SLC2A13: variants seen among roughly 807,000 people sequenced by gnomAD.
SLC2A13 encodes the protein solute carrier family 2 member 13.
SLC2A13 carries 32 observed loss-of-function variants against 64.4 expected under a neutral mutation model. The observed-to-expected ratio is 0.50, with a 90% CI of 0.37 to 0.67. The LOEUF is 0.67. SLC2A13 is among the 30% of genes least tolerant of loss of function. The probability of loss-of-function intolerance (pLI) is 0.00; values close to 1 mark genes in which losing one functional copy is unlikely to be tolerated. For missense variants in SLC2A13, 743 were observed against 829.2 expected, an observed-to-expected ratio of 0.90 and a Z score of 1.28; for synonymous variants, 338 against 327.1, an observed-to-expected ratio of 1.03 and a Z score of -0.36.
intron 1 of SLC2A13, among the ~76,000 whole-genome samples, chr12:40,077,493 C>T (rs1401684276): frequency 6.6e-6 from 1 of 152,016 alleles, no homozygotes; most frequent in African/African-American, 2.4e-5. Context: ...GGTTCTCTAA[C>T]CTGTTCCACT....
intron 4 of SLC2A13, among the ~76,000 whole-genome samples, chr12:39,926,354 A>T (rs1945729683): frequency 6.6e-6 from 1 of 152,218 alleles, no homozygotes. Context: ...GATCCAAGGC[A>T]TGTTATCATA....
At chr12:39,801,484 T>C (rs1038587891) in intron 7 of SLC2A13, among the ~76,000 whole-genome samples, 1 of 152,112 alleles carries the variant, frequency 6.6e-6, no homozygotes, top group Non-Finnish European at 1.5e-5. Flanking sequence ...CCTCATGACA[T>C]AGTCTAATTT....
rs746298390 is a variant in SLC2A13, at chr12:39,983,170, A to C, written c.926-31805T>G. 3.0e-3 allele frequency among the ~76,000 whole-genome samples: 449 copies of C among 151,880 alleles called. 2 individuals are homozygous for C. The highest frequency in any genetic ancestry group is 4.9e-3 in the Non-Finnish European group (336 of 67,942). The stretch of plus-strand genomic sequence containing the variant: ...ATCCCTTCCTTACACCTTATACAAA[A>C]CTCAATTCAAGATGGATTAAAGATT... On this transcript the variant is annotated intron_variant, in intron 3 of 9. Transcript: ENST00000280871.
intron 1 of SLC2A13, among the ~76,000 whole-genome samples, chr12:40,089,509 G>A (rs1310690146): frequency 6.6e-6 from 1 of 152,170 alleles, no homozygotes; most frequent in Non-Finnish European, 1.5e-5. Flanking sequence ...AAAGAAGCTT[G>A]AGAATTTTAG....
At chr12:39,985,011 A>T (rs185147645) in intron 3 of SLC2A13, among the ~76,000 whole-genome samples, 1 of 152,092 alleles carries the variant, frequency 6.6e-6, no homozygotes, top group Admixed American at 6.6e-5. Flanking sequence ...TACCAAACCC[A>T]CCAGTTTGCT....
At chr12:39,916,719 G>T (rs1463753560) in intron 4 of SLC2A13, among the ~76,000 whole-genome samples, 1 of 152,046 alleles carries the variant, frequency 6.6e-6, no homozygotes, top group Non-Finnish European at 1.5e-5. Context: ...GTAATAACCT[G>T]ACTTCTACAA....
At chr12:40,058,015 T>C (rs965095581) in intron 1 of SLC2A13, among the ~76,000 whole-genome samples, 2 of 151,790 alleles carry the variant, frequency 1.3e-5, no homozygotes, top group African/African-American at 4.8e-5. Flanking sequence ...AATGTCCCTA[T>C]GCTGCTTACA....
At chr12:39,964,676 T>A (rs1018590606) in intron 3 of SLC2A13, among the ~76,000 whole-genome samples, 4 of 152,218 alleles carry the variant, frequency 2.6e-5, no homozygotes, top group Non-Finnish European at 5.9e-5. Flanking sequence ...AGAGGGTTGG[T>A]GCACAGGGTC....
At chr12:39,921,723 C>T (rs572707154) in intron 4 of SLC2A13, among the ~76,000 whole-genome samples, 1 of 152,092 alleles carries the variant, frequency 6.6e-6, no homozygotes, top group East Asian at 1.9e-4. Flanking sequence ...TCAGATATGC[C>T]AGTAATACTT....
intron 3 of SLC2A13, among the ~76,000 whole-genome samples, chr12:39,975,097 A>G (rs991040501): frequency 3.3e-5 from 5 of 152,218 alleles, no homozygotes; most frequent in Non-Finnish European, 4.4e-5. Context: ...GGGCTGAATT[A>G]CTATTCATTA....
chr12:39,992,931 C>G (rs1256925161), intron 3 of SLC2A13, among the ~76,000 whole-genome samples: 1 of 152,184 alleles, frequency 6.6e-6, no homozygotes, highest in Non-Finnish European at 1.5e-5. Context: ...AAAATAAAAT[C>G]TATCACTTAG....
At chr12:39,887,337 A>C (rs181719921) in intron 4 of SLC2A13, among the ~76,000 whole-genome samples, 94 of 152,258 alleles carry the variant, frequency 6.2e-4, no homozygotes, top group African/African-American at 2.2e-3. Flanking sequence ...GTTATATCCC[A>C]AAAGTACCCT....
chr12:40,052,586 A>G (rs1948276932), intron 1 of SLC2A13, among the ~76,000 whole-genome samples: 2 of 152,186 alleles, frequency 1.3e-5, no homozygotes, highest in Non-Finnish European at 2.9e-5. Context: ...CGATTTTAAG[A>G]AATAATGCTG....
chr12:39,851,751 A>C (rs1943476423), intron 6 of SLC2A13, among the ~76,000 whole-genome samples: 1 of 152,236 alleles, frequency 6.6e-6, no homozygotes, highest in Non-Finnish European at 1.5e-5. Flanking sequence ...TATTTAAGAC[A>C]TGCTGAGCTT....
intron 3 of SLC2A13, among the ~76,000 whole-genome samples, chr12:40,005,158 A>C (rs1713199486): frequency 6.6e-6 from 1 of 152,232 alleles, no homozygotes; most frequent in South Asian, 2.1e-4. Flanking sequence ...GGGTGAAAAC[A>C]TTAAACTTTT....
chr12:39,893,543 G>T (rs561876835), intron 4 of SLC2A13, among the ~76,000 whole-genome samples: 2 of 152,286 alleles, frequency 1.3e-5, no homozygotes, highest in African/African-American at 4.8e-5. Flanking sequence ...CAGGTGATCT[G>T]CCCGCCTTGG....
At chr12:39,896,514 G>T (rs116124385) in intron 4 of SLC2A13, among the ~76,000 whole-genome samples, 45,790 of 140,724 alleles carry the variant, frequency 0.33, 8,362 homozygotes, top group Non-Finnish European at 0.39. Context: ...ATGTACATGT[G>T]TGTATACATG....
intron 4 of SLC2A13, among the ~76,000 whole-genome samples, chr12:39,918,633 A>T (rs917479241): frequency 6.6e-6 from 1 of 152,114 alleles, no homozygotes; most frequent in African/African-American, 2.4e-5. Flanking sequence ...AACATACAGC[A>T]AATCACTTGT....
At chr12:39,803,860 C>G (rs1464230185) in intron 7 of SLC2A13, among the ~76,000 whole-genome samples, 1 of 151,794 alleles carries the variant, frequency 6.6e-6, no homozygotes, top group East Asian at 1.9e-4. Flanking sequence ...TGATGGAAAA[C>G]AAGAATCTTC....
Sources: gnomAD v4.1 joint callset for allele counts (sites outside exome capture counted in the v4.1 genomes callset) on GRCh38, gnomAD v4.1.1 for gene constraint, MANE v1.5 for transcripts, NCBI Gene and HGNC (gene_info 2026-07-23, HGNC 2026-07-21) for gene names.